EML6: variants seen among roughly 807,000 people sequenced by gnomAD.
EML6 encodes EMAP like 6.
EML6 carries 154 observed loss-of-function variants against 240.1 expected under a neutral mutation model. The observed-to-expected ratio is 0.64, with a 90% confidence interval of 0.56 to 0.73. The LOEUF is 0.73. Among genes scored for constraint, EML6 ranks in the 30% least tolerant of loss-of-function variants. The probability of loss-of-function intolerance (pLI) is 0.00; values close to 1 mark genes in which losing one functional copy is unlikely to be tolerated. For synonymous variants in EML6, 1,148 were observed against 899.0 expected (o/e 1.28, Z -4.95); for missense variants, 2,964 against 2,474.6 (o/e 1.20, Z -4.20).
At chr2:54,789,284 C>T (rs966265936) in intron 2 of EML6, among the ~76,000 whole-genome samples, 8 of 151,844 alleles carry the variant, frequency 5.3e-5, no homozygotes, top group Non-Finnish European at 1.0e-4. Context: ...GAGGCCAAGG[C>T]GGGCGGATCA....
intron 2 of EML6, among the ~76,000 whole-genome samples, chr2:54,747,846 A>G (rs1057354809): frequency 6.6e-6 from 1 of 151,684 alleles, no homozygotes; most frequent in Admixed American, 6.6e-5. Flanking sequence ...TTCTACTAGT[A>G]TACTCATTTT....
intron 11 of EML6, among the ~76,000 whole-genome samples, chr2:54,854,528 G>C (rs1670267280): frequency 6.6e-6 from 1 of 152,196 alleles, no homozygotes; most frequent in African/African-American, 2.4e-5. Context: ...AGGCTCTTCT[G>C]AGACTCCTCA....
intron 31 of EML6, among the ~76,000 whole-genome samples, chr2:54,953,724 T>C (rs895763892): frequency 1.3e-5 from 2 of 151,994 alleles, no homozygotes; most frequent in African/African-American, 4.8e-5. Context: ...CTGTCTCTGC[T>C]GAAAATACAA....
intron 22 of EML6, among the ~76,000 whole-genome samples, chr2:54,902,363 AT>A (rs1673103757): frequency 6.6e-6 from 1 of 152,170 alleles, no homozygotes; most frequent in Admixed American, 6.5e-5. Context: ...TATTTTTGAT[AT>A]TATGATCTTT....
intron 24 of EML6, among the ~76,000 whole-genome samples, chr2:54,904,287 T>G (rs1448452044): frequency 6.6e-6 from 1 of 152,128 alleles, no homozygotes; most frequent in Non-Finnish European, 1.5e-5. Flanking sequence ...GGTGGAACAT[T>G]GCACTATAGG....
chr2:54,773,591 A>G (rs940235884), intron 2 of EML6, among the ~76,000 whole-genome samples: 3 of 152,220 alleles, frequency 2.0e-5, no homozygotes, highest in Non-Finnish European at 4.4e-5. Context: ...TCTGACATCT[A>G]TGTCTCTAGG....
chr2:54,802,990 T>A lies in EML6; in HGVS notation c.198-10242T>A, dbSNP rs143874577. The stretch of plus-strand genomic sequence containing the variant: ...ACGATGGGTTTCCAGTTCTGGGAAC[T>A]TGGGAGACTGGGGTGAAACAGGTCC... On this transcript the variant is annotated intron_variant, in intron 2 of 41. Transcript: ENST00000356458. Among the ~76,000 whole-genome samples, 363 of 152,250 alleles carry A rather than the reference T, an allele frequency of 2.4e-3. 15 individuals are homozygous for A. In the South Asian group the frequency reaches 0.07, roughly 29 times the overall value.
At chr2:54,885,414 T>C (rs985046376) in intron 17 of EML6, among the ~76,000 whole-genome samples, 1 of 151,928 alleles carries the variant, frequency 6.6e-6, no homozygotes, top group African/African-American at 2.4e-5. Flanking sequence ...GCCACTGCAT[T>C]CCAGCCTGGG....
At chr2:54,871,950 G>A (rs187143380) in intron 16 of EML6, among the ~76,000 whole-genome samples, 25 of 152,300 alleles carry the variant, frequency 1.6e-4, no homozygotes, top group Non-Finnish European at 2.8e-4. Flanking sequence ...TGACTTAGTC[G>A]CAAATGTCTG....
rs140511150 is a variant in EML6, at chr2:54,899,874, C to T, written c.3124+92C>T. 1,216 of 1,225,374 alleles carry T rather than the reference C, an allele frequency of 9.9e-4. 15 individuals carry two copies. The East Asian group carries it at 0.023, about 23-fold the overall frequency. 75.9% of individuals were successfully genotyped at this position (1,225,374 alleles called of 1,614,324 possible). On this transcript the variant is annotated intron_variant, in intron 22 of 41. Transcript: ENST00000356458. ...ACTCAGTTAATATTTACTGAGGGCA[C>T]GTGTTATATGCCCATAAATATGCTG...
chr2:54,916,094 C>T (rs1178459515), intron 25 of EML6, among the ~76,000 whole-genome samples: 1 of 152,188 alleles, frequency 6.6e-6, no homozygotes, highest in Non-Finnish European at 1.5e-5. Flanking sequence ...AATAGCTCTT[C>T]AGATTTTTAA....
chr2:54,906,860 G>A (rs1049661955), intron 24 of EML6, among the ~76,000 whole-genome samples: 6 of 152,304 alleles, frequency 3.9e-5, no homozygotes, highest in African/African-American at 1.2e-4. Context: ...CACAGCAGGG[G>A]CCTCCAGAGT....
At chr2:54,903,925 A>G (rs1273390014) in intron 24 of EML6, among the ~76,000 whole-genome samples, 2 of 152,182 alleles carry the variant, frequency 1.3e-5, no homozygotes, top group African/African-American at 4.8e-5. Context: ...TTCCTCCTCC[A>G]GCAGAGGTAG....
At chr2:54,893,531 C>T (rs1054098469) in intron 19 of EML6, among the ~76,000 whole-genome samples, 2 of 152,206 alleles carry the variant, frequency 1.3e-5, no homozygotes, top group Non-Finnish European at 2.9e-5. Flanking sequence ...AGTACTGTTA[C>T]AGAGGCAGTT....
chr2:54,855,859 C>G (rs553542638), intron 11 of EML6, among the ~76,000 whole-genome samples: 1 of 152,278 alleles, frequency 6.6e-6, no homozygotes, highest in South Asian at 2.1e-4. Flanking sequence ...GATGGGAATA[C>G]TAGCAGTTGG....
intron 2 of EML6, among the ~76,000 whole-genome samples, chr2:54,741,331 C>T (rs995919628): frequency 6.6e-6 from 1 of 152,150 alleles, no homozygotes; most frequent in African/African-American, 2.4e-5. Context: ...CAAAAAAATT[C>T]AGATTTAATG....
At chr2:54,812,912 A>G (rs556182395) in intron 2 of EML6, among the ~76,000 whole-genome samples, 1 of 152,352 alleles carries the variant, frequency 6.6e-6, no homozygotes, top group South Asian at 2.1e-4. Context: ...TTGAATATCA[A>G]TAATTAAATT....
At chr2:54,808,529 C>CTTTTTATT (rs1670617892) in intron 2 of EML6, among the ~76,000 whole-genome samples, 1 of 150,100 alleles carries the variant, frequency 6.7e-6, no homozygotes, top group Non-Finnish European at 1.5e-5. Context: ...TTTCCAAAAA[C>CTTTTTATT]AAAACAAAAA....
chr2:54,924,862 C>T (rs1024906833), intron 26 of EML6, among the ~76,000 whole-genome samples: 1 of 152,162 alleles, frequency 6.6e-6, no homozygotes, highest in African/African-American at 2.4e-5. Context: ...TGCACCCAGC[C>T]TCTTCTTTTT....
Sources: allele counts gnomAD v4.1 joint callset (sites outside exome capture counted in the v4.1 genomes callset), GRCh38; gene constraint gnomAD v4.1.1; transcripts MANE v1.5; gene names NCBI Gene and HGNC (gene_info 2026-07-23, HGNC 2026-07-21).